Variants in ZNF398 observed in about 807,000 individuals in gnomAD.
ZNF398 encodes zinc finger DNA binding protein ZER6.
In ZNF398, 18 loss-of-function variants were observed where a neutral mutation model predicts 41.9. The observed-to-expected ratio is 0.43, with a 90% CI of 0.30 to 0.64. The LOEUF (loss-of-function observed/expected upper bound fraction) is 0.64. ZNF398 is among the 30% of genes least tolerant of loss of function. ZNF398 has a pLI of 0.14. For missense variants in ZNF398, 669 were observed against 822.8 expected (o/e 0.81, Z 2.29); for synonymous variants, 260 against 308.8 (o/e 0.84, Z 1.66).
upstream of ZNF398, among the ~76,000 whole-genome samples, chr7:149,146,450 T>C (rs1039044514): frequency 6.6e-6 from 1 of 152,124 alleles, no homozygotes; most frequent in Non-Finnish European, 1.5e-5. Context: ...TCGGGCAGGC[T>C]GAGGGGAAGG....
In ZNF398 at chr7:149,180,064, T is replaced by TA. The variant is rs1209518935; in HGVS notation, c.*264dup. On this transcript the variant is annotated 3_prime_UTR_variant, in exon 6 of 6. Coordinates refer to ENST00000475153, the MANE Select transcript of ZNF398 (RefSeq NM_170686.3). ...TCAAAGATACAACAAAAGCAGAAGTTACAAGAATATTGCGGAGAGGTTGGA... is the reference window on the plus strand; with the variant it reads ...TCAAAGATACAACAAAAGCAGAAGTTAACAAGAATATTGCGGAGAGGTTGGA... 1.1e-5 allele frequency: 4 copies of TA among 358,256 alleles called. No individual in the cohort carries two copies. The highest frequency in any genetic ancestry group is 2.0e-5 in the Non-Finnish European group (4 of 197,544). 22.2% of individuals were successfully genotyped at this position (358,256 alleles called of 1,614,324 possible).
At position 149,181,993 on chromosome 7, in the gene ZNF398, C is replaced by G. The variant is rs1354530238; in HGVS notation, c.*2192C>G. The G allele has an allele frequency of 6.6e-6, 1 of 152,188 alleles. No individual in the cohort carries two copies. The highest frequency in any genetic ancestry group is 1.5e-5 in the Non-Finnish European group (1 of 68,030). The allele number at this position is 152,188 out of a possible 1,614,324, so 9.4% of individuals were successfully genotyped here. Reference sequence around the variant, plus strand: ...TGAGTTCCCTTTTCTGAGTGGATTTCAAGCATTTGCCAGGGTATGCTGGAG... The same window carrying G: ...TGAGTTCCCTTTTCTGAGTGGATTTGAAGCATTTGCCAGGGTATGCTGGAG... On this transcript the variant is annotated 3_prime_UTR_variant, in exon 6 of 6. Coordinates refer to ENST00000475153, the MANE Select transcript of ZNF398 (RefSeq NM_170686.3).
chr7:149,182,398 G>GT lies in ZNF398; in HGVS notation c.*2600dup, dbSNP rs1265293487. ...GAACTGCAGGCCAGTTCCAAAGAGT[G>GT]TTTGCTTAAGATTCAAAAGTGGGTA... On this transcript the variant is annotated 3_prime_UTR_variant, in exon 6 of 6. Coordinates refer to ENST00000475153, the MANE Select transcript of ZNF398 (RefSeq NM_170686.3). The GT allele has an allele frequency of 2.0e-5, 3 of 152,240 alleles. No homozygotes were observed. The allele number at this position is 152,240 out of a possible 1,614,324, so 9.4% of individuals were successfully genotyped here.
At chr7:149,151,358 G>A (rs1000160732) in intron 1 of ZNF398, 10 of 791,404 alleles carry the variant, frequency 1.3e-5, no homozygotes, top group Non-Finnish European at 1.7e-5. Context: ...AGCCAGGAAC[G>A]GGCAGATACC....
chr7:149,156,015 C>T (rs553574065), intron 2 of ZNF398, among the ~76,000 whole-genome samples: 60 of 151,962 alleles, frequency 3.9e-4, no homozygotes, highest in African/African-American at 1.3e-3. Flanking sequence ...CATGAGCCAC[C>T]GCGCCCGGCC....
At chr7:149,127,389 TAA>T (rs33912807) in intron 1 of ZNF398, among the ~76,000 whole-genome samples, 2,235 of 146,516 alleles carry the variant, frequency 0.015, 37 homozygotes, top group African/African-American at 0.015. Context: ...ATTAAAGGGT[TAA>T]AAAAAAAAAA....
intron 4 of ZNF398, among the ~76,000 whole-genome samples, chr7:149,175,084 G>A (rs1266808209): frequency 6.6e-6 from 1 of 152,114 alleles, no homozygotes; most frequent in Non-Finnish European, 1.5e-5. Flanking sequence ...TTCCCAAATC[G>A]CTCCCCATAA....
At chr7:149,132,533 C>T (rs559623504) in intron 2 of ZNF398, among the ~76,000 whole-genome samples, 5 of 152,012 alleles carry the variant, frequency 3.3e-5, no homozygotes, top group Non-Finnish European at 7.4e-5. Flanking sequence ...GAGAGGCACC[C>T]GTATGGGACC....
At chr7:149,174,081 A>T (rs1795412560) in intron 4 of ZNF398, among the ~76,000 whole-genome samples, 1 of 152,002 alleles carries the variant, frequency 6.6e-6, no homozygotes, top group Non-Finnish European at 1.5e-5. Flanking sequence ...GGCGTGACCC[A>T]CCATGCCCGG....
In ZNF398 at chr7:149,141,447, C is replaced by CTTTTTT. The variant is rs35331670; in HGVS notation, c.-489-12495_-489-12490dup. 1.9e-3 allele frequency among the ~76,000 whole-genome samples: 220 copies of CTTTTTT among 116,816 alleles called. 21 individuals carry two copies. Among genetic ancestry groups the CTTTTTT allele is most frequent in the Middle Eastern group, 5.9e-3 (1 of 170 alleles). 76.6% of individuals were successfully genotyped at this position (116,816 alleles called of 152,430 possible). On this transcript the variant is annotated intron_variant, in intron 2 of 6. Coordinates refer to the ZNF398 transcript ENST00000426851. ...AGTAGCTAGGATTACAGCTACTTTT[C>CTTTTTT]TTTTTTTTCTTTTTTTTTTTTTTTT...
rs917502080 is a variant in ZNF398, at chr7:149,178,794, C to G, written c.922C>G (p.Pro308Ala). The G allele has an allele frequency of 6.8e-6, 11 of 1,614,088 alleles. No individual in the cohort carries two copies. The South Asian group carries it at 9.9e-5, about 14-fold the overall frequency. The change falls in exon 6 of 6, where the codon CCT becomes GCT. Residue 308 changes from proline (P) to alanine (A), a missense_variant. By Grantham distance (27) the Pro-to-Ala change is conservative (BLOSUM62 -1). Around this residue, in one of 3 missense-constraint regions of ZNF398, gnomAD observed 290 missense variants for 292.9 expected, o/e 0.99. Coordinates refer to ENST00000475153, the MANE Select transcript of ZNF398 (RefSeq NM_170686.3). The part of the protein sequence containing the change: ...FKSQQSTSMT[P>A]FGRPATDLPE... ...AAGCCAGCAGTCTACATCCATGACA[C>G]CTTTTGGACGTCCAGCCACTGACCT...
chr7:149,173,279 G>T (rs1224672192), intron 4 of ZNF398, among the ~76,000 whole-genome samples: 5 of 151,134 alleles, frequency 3.3e-5, no homozygotes, highest in Non-Finnish European at 7.4e-5. Flanking sequence ...TCATTTTTTT[G>T]TATTTTTAGT....
intron 2 of ZNF398, among the ~76,000 whole-genome samples, chr7:149,163,473 A>G (rs1795156448): frequency 6.6e-6 from 1 of 151,596 alleles, no homozygotes; most frequent in Non-Finnish European, 1.5e-5. Flanking sequence ...CCCGAGTTCA[A>G]GCGATTCTCC....
At chr7:149,146,539 G>C (rs1388911431), upstream of ZNF398, among the ~76,000 whole-genome samples, 1 of 151,982 alleles carries the variant, frequency 6.6e-6, no homozygotes, top group Non-Finnish European at 1.5e-5. Context: ...GACAGAGGGA[G>C]ACTGTCTCTA....
chr7:149,128,780 T>TATAATAAAATAAAATAAAATAAAATAATA (rs71192757), intron 1 of ZNF398: 1 of 143,420 alleles, frequency 7.0e-6, no homozygotes, highest in African/African-American at 2.6e-5. Context: ...TAAAATAAAA[T>TATAATAAAATAAAATAAAATAAAATAATA]TATATATATA....
intron 2 of ZNF398, among the ~76,000 whole-genome samples, chr7:149,134,221 C>A (rs1213036659): frequency 3.3e-5 from 5 of 151,646 alleles, no homozygotes; most frequent in Non-Finnish European, 7.4e-5. Flanking sequence ...CCCGCCACCA[C>A]GCCCAGCTAA....
chr7:149,174,687 A>G (rs2373537), intron 4 of ZNF398, among the ~76,000 whole-genome samples: 90,073 of 152,002 alleles, frequency 0.59, 28,223 homozygotes, highest in East Asian at 0.9. Flanking sequence ...TTAGCTGGGC[A>G]TGGTGGCACA....
upstream of ZNF398, among the ~76,000 whole-genome samples, chr7:149,145,843 G>A (rs2129519864): frequency 6.6e-6 from 1 of 151,268 alleles, no homozygotes; most frequent in South Asian, 2.1e-4. Context: ...TCTGCATATA[G>A]ACTTGCTATG....
Position 149,147,802 on chromosome 7 carries a change from G to A in ZNF398, c.24+36G>A. The A allele has an allele frequency of 7.3e-7, 1 of 1,372,988 alleles. No individual in the cohort carries two copies. Among genetic ancestry groups the A allele is most frequent in the Non-Finnish European group, 9.4e-7 (1 of 1,061,520 alleles). 85.1% of individuals were successfully genotyped at this position (1,372,988 alleles called of 1,614,324 possible). ...CCGCGCGCGAGTGTTGTGAGCCCCC[G>A]AGACCCAGACCCCGAGGGAGGAAGG... On this transcript the variant is annotated intron_variant, in intron 1 of 5. Transcript: ENST00000475153. This position sits in a 1 kb window ranked among gnomAD's most constrained non-coding sequence, Gnocchi z 5.6.
Sources: gnomAD v4.1 joint callset for allele counts (sites outside exome capture counted in the v4.1 genomes callset) on GRCh38, gnomAD v4.1.1 for gene constraint, gnomAD v4.1.1 regional missense constraint, Gnocchi (gnomAD v3.1) non-coding constraint, MANE v1.5 for transcripts, NCBI Gene and HGNC (gene_info 2026-07-23, HGNC 2026-07-21) for gene names.